EXOC6: variants seen among roughly 807,000 people sequenced by gnomAD.
The protein encoded by EXOC6 is exocyst complex component 6, also known as SEC15-like 1.
Under a neutral mutation model 112.5 loss-of-function variants are expected in EXOC6, and 60 were observed. The ratio of observed to expected loss-of-function variants is 0.53; its 90% CI spans 0.43 to 0.66. The LOEUF is 0.66. Ranked by LOEUF, EXOC6 falls within the 30% of genes least tolerant of loss-of-function variation. The probability of loss-of-function intolerance (pLI) is 0.00; values close to 1 mark genes in which losing one functional copy is unlikely to be tolerated. For missense variants in EXOC6, 855 were observed against 957.1 expected, an observed-to-expected ratio of 0.89 and a Z score of 1.41; for synonymous variants, 295 against 308.0, an observed-to-expected ratio of 0.96 and a Z score of 0.44.
chr10:92,995,018 C>T (rs1843424852), intron 18 of EXOC6, among the ~76,000 whole-genome samples: 2 of 151,672 alleles, frequency 1.3e-5, no homozygotes, highest in Non-Finnish European at 2.9e-5. Flanking sequence ...AGAATCTGAA[C>T]TTTTGATATT....
At chr10:92,830,507 T>C (rs1166644333), upstream of EXOC6, among the ~76,000 whole-genome samples, 1 of 152,112 alleles carries the variant, frequency 6.6e-6, no homozygotes, top group Non-Finnish European at 1.5e-5. Flanking sequence ...AAAGATCAGC[T>C]TGGGGCAGGA....
Position 92,935,855 on chromosome 10 carries a change from T to G in EXOC6, c.1182T>G (p.Asn394Lys), listed in dbSNP as rs1343589662. The change falls in exon 12 of 22, where the codon AAT becomes AAG. Residue 394 changes from asparagine (N) to lysine (K), a missense_variant. Asn to Lys is a moderately conservative substitution (Grantham distance 94). Transcript: ENST00000260762. The stretch of plus-strand genomic sequence containing the variant: ...CTGATCTTGTTCTGGAGCTGAAGAA[T>G]CTTACTGTAATATTTGCAGATACTT... ...TDPDLVLELK[N>K]LTVIFADTLQ... The G allele has an allele frequency of 6.2e-7, 1 of 1,609,322 alleles. No homozygotes were observed. Among genetic ancestry groups the G allele is most frequent in the Non-Finnish European group, 8.5e-7 (1 of 1,177,046 alleles).
intron 13 of EXOC6, among the ~76,000 whole-genome samples, chr10:92,946,274 T>C (rs1375962971): frequency 6.6e-6 from 1 of 151,310 alleles, no homozygotes; most frequent in African/African-American, 2.4e-5. Context: ...CCAGCCTGGG[T>C]GACAGAGCTA....
intron 17 of EXOC6, among the ~76,000 whole-genome samples, chr10:92,964,650 A>T (rs1244785896): frequency 1.3e-5 from 2 of 152,200 alleles, no homozygotes; most frequent in Non-Finnish European, 2.9e-5. Flanking sequence ...TGTATTAATC[A>T]GGGTTATTAA....
chr10:92,993,649 T>C (rs1843360381), intron 18 of EXOC6, among the ~76,000 whole-genome samples: 2 of 152,180 alleles, frequency 1.3e-5, no homozygotes, highest in African/African-American at 4.8e-5. Context: ...TAATAAACTA[T>C]GTTGTGTTTT....
chr10:92,995,810 C>CT (rs1453825552), intron 18 of EXOC6, among the ~76,000 whole-genome samples: 1 of 152,100 alleles, frequency 6.6e-6, no homozygotes, highest in African/African-American at 2.4e-5. Context: ...GCTTTTATCT[C>CT]TTAAGTTTTC....
At chr10:92,938,785 G>A (rs1380541983) in intron 12 of EXOC6, among the ~76,000 whole-genome samples, 6 of 152,080 alleles carry the variant, frequency 3.9e-5, no homozygotes. Flanking sequence ...ACTTGTAAAC[G>A]AATAAAATGT....
chr10:92,925,812 A>T (rs1589843615), intron 8 of EXOC6, among the ~76,000 whole-genome samples: 1 of 152,168 alleles, frequency 6.6e-6, no homozygotes, highest in East Asian at 1.9e-4. Context: ...GGTGCATGCC[A>T]CTATGCCTGG....
At position 92,908,122 on chromosome 10, in the gene EXOC6, C is replaced by T. The variant is rs147313892; in HGVS notation, c.459-1305C>T. On this transcript the variant is annotated intron_variant, in intron 5 of 21. Transcript: ENST00000260762. ...TCACCCACGCTGGAATGCAGTTGCA[C>T]GATCTCACTGCAACTGCCACCTCCC... 6.0e-3 allele frequency among the ~76,000 whole-genome samples: 808 copies of T among 135,146 alleles called. 6 individuals carry two copies. The highest frequency in any genetic ancestry group is 0.019 in the African/African-American group (664 of 35,162). 88.7% of individuals were successfully genotyped at this position (135,146 alleles called of 152,430 possible). A position where few individuals can be genotyped will look rare whatever the true frequency, so the allele number is the denominator to read the frequency against.
upstream of EXOC6, chr10:92,831,232 A>G (rs1387279872): frequency 1.3e-6 from 1 of 768,936 alleles, no homozygotes; most frequent in African/African-American, 1.8e-5. Flanking sequence ...GAGGGTGGGG[A>G]GAGCTGAGGA....
rs770351460 is a variant in EXOC6 at position 92,928,364 on chromosome 10, A to G, written c.914A>G (p.Tyr305Cys). 5 of 1,609,890 alleles carry G rather than the reference A, an allele frequency of 3.1e-6. No homozygotes were observed. In the African/African-American group the frequency reaches 4.0e-5, roughly 13 times the overall value. Residue 305 changes from tyrosine to cysteine, a missense_variant, in exon 9 of 22, where the codon TAT (tyrosine) becomes TGT (cysteine). Tyr to Cys is a radical substitution (Grantham distance 194, BLOSUM62 -2). This residue lies in a region of EXOC6 where 405 missense variants were observed against 393.6 expected (regional missense o/e 1.03). Transcript: ENST00000260762. ...VLGDEETFEN[Y>C]YRKQRKKQAR... is the part of the protein sequence containing the mutation. ...GGTGACGAGGAAACATTTGAAAACTATTATCGAAAACAAAGAAAGAAACAA... is the reference window on the plus strand; with the variant it reads ...GGTGACGAGGAAACATTTGAAAACTGTTATCGAAAACAAAGAAAGAAACAA...
chr10:92,907,578 A>G (rs956449309), intron 5 of EXOC6, among the ~76,000 whole-genome samples: 1 of 152,208 alleles, frequency 6.6e-6, no homozygotes, highest in Non-Finnish European at 1.5e-5. Context: ...TTTATTCTGC[A>G]TCACTTAGGA....
intron 1 of EXOC6, among the ~76,000 whole-genome samples, chr10:92,842,223 G>A (rs1252864742): frequency 6.6e-6 from 1 of 151,996 alleles, no homozygotes; most frequent in African/African-American, 2.4e-5. Flanking sequence ...GCCGAGTGTG[G>A]TGGTGCACGC....
intron 1 of EXOC6, among the ~76,000 whole-genome samples, chr10:92,867,110 G>A (rs535876610): frequency 9.9e-5 from 15 of 152,012 alleles, no homozygotes; most frequent in Non-Finnish European, 2.2e-4. Context: ...GTCAAGAGAT[G>A]TAAGAGTCAC....
chr10:93,045,816 G>T (rs1845980028), intron 20 of EXOC6, among the ~76,000 whole-genome samples: 1 of 152,220 alleles, frequency 6.6e-6, no homozygotes, highest in South Asian at 2.1e-4. Context: ...AAAATTAAAT[G>T]TATGACCTGG....
At chr10:92,941,245 C>A (rs1269073377) in intron 13 of EXOC6, among the ~76,000 whole-genome samples, 1 of 152,174 alleles carries the variant, frequency 6.6e-6, no homozygotes, top group Non-Finnish European at 1.5e-5. Flanking sequence ...CATATTGTAG[C>A]ATGTCAGAAT....
In EXOC6 at chr10:92,887,958, G is replaced by A. The variant is rs143688527; in HGVS notation, c.102-5391G>A. On this transcript the variant is annotated intron_variant, in intron 1 of 21. Transcript: ENST00000260762. ...CTGCTCATTGATATGGGTTGTGGGT[G>A]ACACGTGGGGGTATCAGCTGTGAGT... Among the ~76,000 whole-genome samples, 597 of 152,252 alleles carry A rather than the reference G, an allele frequency of 3.9e-3. 6 individuals are homozygous for A. Among genetic ancestry groups the A allele is most frequent in the South Asian group, 0.024 (114 of 4,822 alleles).
chr10:92,991,313 G>T (rs1843235496), intron 18 of EXOC6, among the ~76,000 whole-genome samples: 1 of 151,644 alleles, frequency 6.6e-6, no homozygotes, highest in African/African-American at 2.4e-5. Flanking sequence ...CCTCACGCCT[G>T]TAGTCACAGC....
intron 18 of EXOC6, among the ~76,000 whole-genome samples, chr10:92,988,800 TACACACACACAC>T (rs67242778): frequency 0.11 from 16,303 of 142,972 alleles, 929 homozygotes; most frequent in Admixed American, 0.18. Flanking sequence ...CTACAAAAAA[TACACACACACAC>T]ACACACACAC....
Sources: allele counts gnomAD v4.1 joint callset (sites outside exome capture counted in the v4.1 genomes callset), GRCh38; gene constraint gnomAD v4.1.1; regional missense constraint gnomAD v4.1.1; transcripts MANE v1.5; gene names NCBI Gene and HGNC (gene_info 2026-07-23, HGNC 2026-07-21).